Variants in NXPH1 observed in about 807,000 individuals in gnomAD.
The protein encoded by NXPH1 is neurexophilin-1.
NXPH1 carries 5 observed loss-of-function variants against 23.7 expected under a neutral mutation model. That is an observed-to-expected ratio of 0.21 (90% CI 0.11 to 0.44). The LOEUF (loss-of-function observed/expected upper bound fraction) is 0.44. NXPH1 is among the 20% of genes least tolerant of loss of function. The pLI is 0.99. For synonymous variants in NXPH1, 144 were observed against 122.2 expected (o/e 1.18, Z -1.18); for missense variants, 324 against 321.6 (o/e 1.01, Z -0.06).
intron 2 of NXPH1, among the ~76,000 whole-genome samples, chr7:8,590,136 C>T (rs1048060407): frequency 6.6e-6 from 1 of 152,068 alleles, no homozygotes; most frequent in Non-Finnish European, 1.5e-5. Flanking sequence ...TGGAGGTTGA[C>T]TATGTTGGGA....
intron 2 of NXPH1, among the ~76,000 whole-genome samples, chr7:8,466,212 T>C (rs1816783872): frequency 6.6e-6 from 1 of 152,084 alleles, no homozygotes; most frequent in Non-Finnish European, 1.5e-5. Context: ...TATCAGGAAG[T>C]TTGTTGAATG....
chr7:8,623,361 T>C (rs1210649747), intron 2 of NXPH1, among the ~76,000 whole-genome samples: 1 of 152,010 alleles, frequency 6.6e-6, no homozygotes, highest in African/African-American at 2.4e-5. Context: ...CCCCACAAGT[T>C]AAAGGGGGAA....
chr7:8,461,053 G>T (rs1816686069), intron 2 of NXPH1, among the ~76,000 whole-genome samples: 1 of 152,188 alleles, frequency 6.6e-6, no homozygotes, highest in Non-Finnish European at 1.5e-5. Flanking sequence ...GGATGGACTA[G>T]AAATGTGGTA....
chr7:8,542,050 G>A (rs894559705), intron 2 of NXPH1, among the ~76,000 whole-genome samples: 3 of 151,196 alleles, frequency 2.0e-5, no homozygotes, highest in South Asian at 2.1e-4. Flanking sequence ...TAATGAAAAG[G>A]CAGATATTGT....
chr7:8,478,716 A>AAAGG (rs1353092594), intron 2 of NXPH1, among the ~76,000 whole-genome samples: 1 of 152,134 alleles, frequency 6.6e-6, no homozygotes, highest in Admixed American at 6.6e-5. Context: ...ATTTGATACA[A>AAAGG]AAGGAAACAA....
intron 2 of NXPH1, among the ~76,000 whole-genome samples, chr7:8,674,624 A>G (rs961582234): frequency 4.6e-5 from 7 of 152,188 alleles, no homozygotes; most frequent in Admixed American, 2.0e-4. Flanking sequence ...ACAAAAGTAG[A>G]AGGCCAGAGA....
At chr7:8,658,034 TAAATA>T (rs2115159096) in intron 2 of NXPH1, among the ~76,000 whole-genome samples, 1 of 152,148 alleles carries the variant, frequency 6.6e-6, no homozygotes, top group African/African-American at 2.4e-5. Context: ...TTTCAACAAA[TAAATA>T]AATAAAAATA....
At chr7:8,549,560 T>C (rs1818247901) in intron 2 of NXPH1, among the ~76,000 whole-genome samples, 1 of 151,480 alleles carries the variant, frequency 6.6e-6, no homozygotes, top group African/African-American at 2.4e-5. Context: ...TTCTTCCCCC[T>C]CTATGGAAGA....
chr7:8,475,206 G>A (rs937096468), intron 2 of NXPH1, among the ~76,000 whole-genome samples: 7 of 152,034 alleles, frequency 4.6e-5, no homozygotes, highest in Non-Finnish European at 7.4e-5. Context: ...AGAGATCAAG[G>A]GTGTGAAGCC....
chr7:8,630,492 G>C, intron 2 of NXPH1, among the ~76,000 whole-genome samples: 1 of 152,100 alleles, frequency 6.6e-6, no homozygotes, highest in Admixed American at 6.6e-5. Context: ...AGATTTTGAG[G>C]AAGTAATGCA....
chr7:8,592,942 T>G (rs1158608888), intron 2 of NXPH1, among the ~76,000 whole-genome samples: 12 of 151,826 alleles, frequency 7.9e-5, no homozygotes. Flanking sequence ...GTAATTTACC[T>G]ACTCCCACCT....
At chr7:8,614,068 A>G (rs1309323575) in intron 2 of NXPH1, among the ~76,000 whole-genome samples, 1 of 151,930 alleles carries the variant, frequency 6.6e-6, no homozygotes, top group Non-Finnish European at 1.5e-5. Context: ...CTTTAATAGT[A>G]TAGTGTTAAA....
At chr7:8,600,600 G>A (rs951143685) in intron 2 of NXPH1, among the ~76,000 whole-genome samples, 1 of 152,206 alleles carries the variant, frequency 6.6e-6, no homozygotes, top group African/African-American at 2.4e-5. Context: ...AGACGTAGAT[G>A]TTCAGAGCAG....
intron 2 of NXPH1, among the ~76,000 whole-genome samples, chr7:8,531,819 T>C (rs980556060): frequency 6.6e-6 from 1 of 152,208 alleles, no homozygotes; most frequent in East Asian, 1.9e-4. Flanking sequence ...CCACCATTAC[T>C]TGCAGCCTAC....
chr7:8,570,736 A>G (rs564291770), intron 2 of NXPH1, among the ~76,000 whole-genome samples: 13 of 152,052 alleles, frequency 8.5e-5, no homozygotes, highest in African/African-American at 2.9e-4. Context: ...GAAGAGTTTC[A>G]GGAGCAGAGA....
At chr7:8,727,609 G>A (rs1218983020) in intron 2 of NXPH1, among the ~76,000 whole-genome samples, 2 of 152,124 alleles carry the variant, frequency 1.3e-5, no homozygotes, top group Non-Finnish European at 2.9e-5. Context: ...TTTCCCCATT[G>A]CTTGTGTTTC....
rs7456757 is a variant in NXPH1 at position 8,728,180 on chromosome 7, T to A, written c.55-22828T>A. ...ATAAGAATGCTTGTGATTTTTTTAC[T>A]TTGATTTTGTATCCTGAGACTTTGC... On this transcript the variant is annotated intron_variant, in intron 2 of 2. Coordinates refer to ENST00000405863, the MANE Select transcript of NXPH1 (RefSeq NM_152745.3). Among the ~76,000 whole-genome samples the A allele has an allele frequency of 6.2e-3, 949 of 151,896 alleles. 2 individuals are homozygous for A. The highest frequency in any genetic ancestry group is 0.027 in the Middle Eastern group (8 of 294).
intron 2 of NXPH1, among the ~76,000 whole-genome samples, chr7:8,473,634 T>G (rs1382411902): frequency 6.6e-6 from 1 of 152,152 alleles, no homozygotes; most frequent in African/African-American, 2.4e-5. Flanking sequence ...CTCTCTATGC[T>G]GTGTTTTCTG....
At chr7:8,462,173 C>A (rs1004397785) in intron 2 of NXPH1, among the ~76,000 whole-genome samples, 65 of 152,094 alleles carry the variant, frequency 4.3e-4, no homozygotes, top group African/African-American at 1.5e-3. Context: ...CTCAGCCTCC[C>A]AAGTAGCTGG....
Sources: gnomAD v4.1 joint callset for allele counts (sites outside exome capture counted in the v4.1 genomes callset) on GRCh38, gnomAD v4.1.1 for gene constraint, MANE v1.5 for transcripts, NCBI Gene and HGNC (gene_info 2026-07-23, HGNC 2026-07-21) for gene names.